The following DAD1 variants were observed in gnomAD, a reference collection of about 807,000 sequenced individuals.
The protein encoded by DAD1 is defender against cell death 1.
A neutral mutation model predicts 9.0 loss-of-function variants in DAD1; 4 were observed. That is an observed-to-expected ratio of 0.44 (90% confidence interval 0.22 to 1.01). The LOEUF is 1.01. Ranked by LOEUF, DAD1 falls within the 50% of genes least tolerant of loss-of-function variation. The pLI, the probability that DAD1 is intolerant of heterozygous loss-of-function variation, is 0.24. For synonymous variants in DAD1, 60 were observed against 62.5 expected (o/e 0.96, Z 0.19); for missense variants, 119 against 137.3 (o/e 0.87, Z 0.67).
rs543937380 is a variant in DAD1, at chr14:22,577,260, C to T, written c.212-2027G>A. 7.9e-4 allele frequency among the ~76,000 whole-genome samples: 121 copies of T among 152,208 alleles called. 1 individual carries two copies. Among genetic ancestry groups the T allele is most frequent in the African/African-American group, 2.6e-3 (109 of 41,514 alleles). On this transcript the variant is annotated intron_variant, in intron 1 of 2. Transcript: ENST00000250498. ...ACCAGCCTGGCCAACATGGTGAAAC[C>T]CCGTCTCTACTAAAAATACAAAAAT...
chr14:22,585,851 C>G (rs570108882), intron 1 of DAD1, among the ~76,000 whole-genome samples: 18 of 152,234 alleles, frequency 1.2e-4, no homozygotes, highest in African/African-American at 4.3e-4. Flanking sequence ...GATTAAAGAA[C>G]ATTTCCCTCC....
chr14:22,577,255 G>A (rs1193775456), intron 1 of DAD1, among the ~76,000 whole-genome samples: 1 of 152,136 alleles, frequency 6.6e-6, no homozygotes, highest in Non-Finnish European at 1.5e-5. Flanking sequence ...CCAACATGGT[G>A]AAACCCCGTC....
At chr14:22,574,036 C>T (rs991572016) in intron 2 of DAD1, among the ~76,000 whole-genome samples, 4 of 152,166 alleles carry the variant, frequency 2.6e-5, no homozygotes, top group Admixed American at 1.3e-4. Context: ...TATCCTTCCC[C>T]CAAATAGGAT....
chr14:22,577,936 T>C (rs1010039794), intron 1 of DAD1, among the ~76,000 whole-genome samples: 3 of 152,206 alleles, frequency 2.0e-5, no homozygotes, highest in Non-Finnish European at 4.4e-5. Context: ...GTAAATTTTG[T>C]CATGTTTTAT....
Position 22,589,199 on chromosome 14 carries a change from G to C in DAD1, c.-42C>G, listed in dbSNP as rs369300549. On this transcript the variant is annotated 5_prime_UTR_variant, in exon 1 of 3. Coordinates refer to ENST00000250498, the MANE Select transcript of DAD1 (RefSeq NM_001344.4). Reference sequence around the variant, plus strand: ...CTCCGGTCCGCGCCCCAAACTCTTGGAGGACCCGTCGACCACACCGGATGT... The same window carrying C: ...CTCCGGTCCGCGCCCCAAACTCTTGCAGGACCCGTCGACCACACCGGATGT... 1 of 1,604,874 alleles carries C rather than the reference G, an allele frequency of 6.2e-7. No homozygotes were observed. The highest frequency in any genetic ancestry group is 1.3e-5 in the African/African-American group (1 of 74,734).
chr14:22,575,737 C>CG (rs2139240862), intron 1 of DAD1, among the ~76,000 whole-genome samples: 1 of 152,154 alleles, frequency 6.6e-6, no homozygotes, highest in African/African-American at 2.4e-5. Context: ...TTAGTAGAGA[C>CG]GGGGTTTCAC....
chr14:22,568,191 A>G (rs2037013796), intron 2 of DAD1, among the ~76,000 whole-genome samples: 1 of 152,190 alleles, frequency 6.6e-6, no homozygotes, highest in Non-Finnish European at 1.5e-5. Context: ...TAATTACCTC[A>G]AGTGTAAAAT....
chr14:22,565,202 C>A, intron 2 of DAD1, 65 bp from the exon 3 acceptor site: 1 of 696,078 alleles, frequency 1.4e-6, no homozygotes, highest in Admixed American at 2.0e-5. Context: ...CAAATCCTTC[C>A]ATCTAAATTC....
intron 1 of DAD1, among the ~76,000 whole-genome samples, chr14:22,578,557 C>G (rs1470257378): frequency 6.6e-6 from 1 of 152,124 alleles, no homozygotes. Context: ...AGAGAGACTC[C>G]GTCTCAAAAC....
Position 22,565,072 on chromosome 14 carries a change from G to T in DAD1, c.*110C>A, listed in dbSNP as rs1334817307. On this transcript the variant is annotated 3_prime_UTR_variant, in exon 3 of 3. Transcript: ENST00000250498. ...AGCTAGCAGTAAGTGCAAATCTGAA[G>T]AAAATCCATGTGTCCAATAAGCTGC... 2.9e-6 allele frequency: 2 copies of T among 701,446 alleles called. No homozygotes were observed. The highest frequency in any genetic ancestry group is 4.0e-5 in the Admixed American group (2 of 49,862). The allele number at this position is 701,446 out of a possible 1,614,324, so 43.5% of individuals were successfully genotyped here.
chr14:22,578,870 A>T (rs2037096343), intron 1 of DAD1, among the ~76,000 whole-genome samples: 2 of 152,230 alleles, frequency 1.3e-5, no homozygotes, highest in Non-Finnish European at 2.9e-5. Flanking sequence ...AAAAAAATAT[A>T]TAACCAAAAA....
At chr14:22,588,557 G>A (rs182541632) in intron 1 of DAD1, among the ~76,000 whole-genome samples, 4 of 152,334 alleles carry the variant, frequency 2.6e-5, no homozygotes, top group Admixed American at 2.0e-4. Context: ...TTTCACCGGA[G>A]ATTGGTAATG....
At chr14:22,571,852 A>G (rs1314024508) in intron 2 of DAD1, among the ~76,000 whole-genome samples, 1 of 151,520 alleles carries the variant, frequency 6.6e-6, no homozygotes, top group African/African-American at 2.4e-5. Context: ...CTGGTCTCAA[A>G]CTCCTGACCT....
chr14:22,574,014 T>C (rs2037060828), intron 2 of DAD1, among the ~76,000 whole-genome samples: 1 of 152,042 alleles, frequency 6.6e-6, no homozygotes, highest in African/African-American at 2.4e-5. Flanking sequence ...CAGGAAGAGG[T>C]TGGTCCTAGG....
chr14:22,565,904 T>C (rs2036999340), intron 2 of DAD1, among the ~76,000 whole-genome samples: 1 of 152,200 alleles, frequency 6.6e-6, no homozygotes, highest in African/African-American at 2.4e-5. Flanking sequence ...GCAACTGATT[T>C]TCCCAGTGTG....
At chr14:22,576,359 G>A (rs1193452695) in intron 1 of DAD1, among the ~76,000 whole-genome samples, 1 of 152,100 alleles carries the variant, frequency 6.6e-6, no homozygotes, top group African/African-American at 2.4e-5. Context: ...CACTCAATGG[G>A]GAAACAGTCT....
chr14:22,587,741 C>CTTT (rs368168879), intron 1 of DAD1, among the ~76,000 whole-genome samples: 2 of 139,120 alleles, frequency 1.4e-5, no homozygotes, highest in African/African-American at 5.3e-5. Context: ...TGTCACCAGA[C>CTTT]TTTTTTTTTT....
At chr14:22,585,824 C>CA (rs527960298) in intron 1 of DAD1, among the ~76,000 whole-genome samples, 15 of 149,884 alleles carry the variant, frequency 1.0e-4, no homozygotes, top group South Asian at 4.2e-4. Context: ...AATAGACTGC[C>CA]AAAAAAAAAT....
intron 1 of DAD1, among the ~76,000 whole-genome samples, chr14:22,585,942 C>G (rs5742751): frequency 4.5e-4 from 69 of 152,318 alleles, no homozygotes; most frequent in Non-Finnish European, 6.0e-4. Context: ...TGTGGTGGCT[C>G]ACGCCTGTAA....
Sources: gnomAD v4.1 joint callset for allele counts (sites outside exome capture counted in the v4.1 genomes callset) on GRCh38, gnomAD v4.1.1 for gene constraint, MANE v1.5 for transcripts, NCBI Gene and HGNC (gene_info 2026-07-23, HGNC 2026-07-21) for gene names.